PCDHA10: variants seen among roughly 807,000 people sequenced by gnomAD.
PCDHA10 encodes protocadherin alpha 10.
PCDHA10 carries 45 observed loss-of-function variants against 61.2 expected under a neutral mutation model. That is an observed-to-expected ratio of 0.74 (90% CI 0.58 to 0.94). PCDHA10 has a LOEUF of 0.94. Ranked by LOEUF, PCDHA10 falls within the 40% of genes least tolerant of loss-of-function variation. PCDHA10 has a pLI of 0.00. For missense variants in PCDHA10, 1,278 were observed against 1,236.2 expected (o/e 1.03, Z -0.51); for synonymous variants, 602 against 548.8 (o/e 1.10, Z -1.35).
intron 3 of PCDHA10, among the ~76,000 whole-genome samples, chr5:140,999,978 G>A (rs980753359): frequency 5.9e-5 from 9 of 151,942 alleles, no homozygotes; most frequent in South Asian, 2.1e-4. Flanking sequence ...CAGCTCTAGC[G>A]GCCTCTGGGT....
chr5:140,864,192 T>A (rs528891456), intron 1 of PCDHA10: 1 of 152,324 alleles, frequency 6.6e-6, no homozygotes, highest in Admixed American at 6.5e-5. Flanking sequence ...TAATGATCCT[T>A]ATGAGAAGGT....
intron 1 of PCDHA10, chr5:140,927,716 G>A (rs782756674): frequency 2.5e-6 from 4 of 1,614,072 alleles, no homozygotes; most frequent in Non-Finnish European, 3.4e-6. Context: ...CTAAGCAACA[G>A]CACGCAAGCA....
Position 140,857,265 on chromosome 5 carries a change from T to G in PCDHA10, c.1217T>G (p.Leu406Trp). The G allele has an allele frequency of 1.3e-6, 2 of 1,598,672 alleles. No homozygotes were observed. The highest frequency in any genetic ancestry group is 1.7e-6 in the Non-Finnish European group (2 of 1,168,004). The change falls in exon 1 of 4, where the codon TTG becomes TGG. Residue 406 changes from leucine to tryptophan, a missense_variant. Transcript: ENST00000307360. The stretch of plus-strand genomic sequence containing the variant: ...TCCACCTACAAGAATTACTACTCAT[T>G]GGTGCTGGACAGCGCTCTGGACCGC... ...LVSTYKNYYS[L>W]VLDSALDRER...
Position 140,891,839 on chromosome 5 carries a change from T to C in PCDHA10, c.2388+33403T>C, listed in dbSNP as rs10074902. Among the ~76,000 whole-genome samples, 663 of 152,284 alleles carry C rather than the reference T, an allele frequency of 4.4e-3. 7 individuals carry two copies. The highest frequency in any genetic ancestry group is 0.015 in the African/African-American group (618 of 41,564). On this transcript the variant is annotated intron_variant, in intron 1 of 3. Coordinates refer to ENST00000307360, the MANE Select transcript of PCDHA10 (RefSeq NM_018901.4). ...TTAACGGCACTGTAAAAGGACTTGA[T>C]GGAAGGAGCCTGTCCCTCTCTTATG...
chr5:140,950,855 T>C (rs2094525829), intron 1 of PCDHA10, among the ~76,000 whole-genome samples: 2 of 152,102 alleles, frequency 1.3e-5, no homozygotes, highest in African/African-American at 4.8e-5. Context: ...TTCTTTCATA[T>C]TCTTGTATAT....
chr5:140,930,084 A>T (rs1350674790), intron 1 of PCDHA10: 2 of 152,142 alleles, frequency 1.3e-5, no homozygotes, highest in Non-Finnish European at 2.9e-5. Flanking sequence ...CTCTCATAAC[A>T]TCTATTTATA....
intron 3 of PCDHA10, among the ~76,000 whole-genome samples, chr5:140,987,254 T>C (rs1358606591): frequency 1.3e-5 from 2 of 151,878 alleles, no homozygotes; most frequent in Non-Finnish European, 1.5e-5. Flanking sequence ...AAAGACATTC[T>C]CAGGAATGGG....
At chr5:141,001,473 G>A (rs1172395730) in intron 3 of PCDHA10, among the ~76,000 whole-genome samples, 1 of 152,220 alleles carries the variant, frequency 6.6e-6, no homozygotes, top group African/African-American at 2.4e-5. Flanking sequence ...AAGCAGCAGC[G>A]GGGAAGTGCT....
Position 140,856,604 on chromosome 5 carries a change from GA to G in PCDHA10, c.557del (p.Asp186AlafsTer22), listed in dbSNP as rs782310012. On this transcript the variant is annotated frameshift_variant, in exon 1 of 4. Transcript: ENST00000307360. LOFTEE classifies it high-confidence loss of function. ...TGTTCTTGATATTATAAACAAAAAA[GA>G]CAAAGACAAATTCCCAGTGCTTGTT... The part of the protein sequence containing the change: ...YFVLDIINKK[D>X]KDKFPVLVLR... 3.6e-5 allele frequency: 57 copies of G among 1,597,724 alleles called. 2 individuals are homozygous for G. In the African/African-American group the frequency reaches 6.7e-4, roughly 19 times the overall value.
At chr5:140,937,981 T>TA (rs1554211927) in intron 1 of PCDHA10, among the ~76,000 whole-genome samples, 2 of 152,254 alleles carry the variant, frequency 1.3e-5, no homozygotes, top group Non-Finnish European at 2.9e-5. Flanking sequence ...ATACTGATTT[T>TA]ATGTTAACTT....
At chr5:140,900,013 T>A (rs1351991303) in intron 1 of PCDHA10, among the ~76,000 whole-genome samples, 1 of 152,062 alleles carries the variant, frequency 6.6e-6, no homozygotes, top group Admixed American at 6.6e-5. Flanking sequence ...TCTCACTTTG[T>A]TACCCAGTTT....
At chr5:140,928,000 G>T (rs2084855141) in intron 1 of PCDHA10, 1 of 1,614,166 alleles carries the variant, frequency 6.2e-7, no homozygotes, top group Non-Finnish European at 8.5e-7. Context: ...TGAAGACCTC[G>T]ATTCTAATGG....
chr5:140,968,587 C>T (rs1554230892), intron 1 of PCDHA10: 8 of 1,614,196 alleles, frequency 5.0e-6, no homozygotes, highest in Non-Finnish European at 6.8e-6. Context: ...TCACCAAAGT[C>T]ATAGCTATGG....
At chr5:140,900,559 G>T (rs542075943) in intron 1 of PCDHA10, among the ~76,000 whole-genome samples, 1 of 152,196 alleles carries the variant, frequency 6.6e-6, no homozygotes, top group Admixed American at 6.5e-5. Context: ...TTACAGGCGT[G>T]AGCCACGGCA....
At chr5:140,942,539 TG>T (rs1370746759) in intron 1 of PCDHA10, among the ~76,000 whole-genome samples, 2 of 151,338 alleles carry the variant, frequency 1.3e-5, no homozygotes, top group Admixed American at 6.6e-5. Flanking sequence ...CTCAGTATGG[TG>T]GGGGGTAGGG....
rs2098421094 is a variant in PCDHA10 at position 141,011,574 on chromosome 5, TAAATC to T, written c.*1640_*1644del. ...GAAAGACACAGTAAAATTTCTTTCT[TAAATC>T]AAGATACTGGTGATTCAAGGAATTT... On this transcript the variant is annotated 3_prime_UTR_variant, in exon 4 of 4. Transcript: ENST00000307360. 1.3e-5 allele frequency: 2 copies of T among 153,802 alleles called. No individual in the cohort carries two copies. 9.5% of individuals were successfully genotyped at this position (153,802 alleles called of 1,614,324 possible).
intron 1 of PCDHA10, 40 bp from the exon 2 acceptor site, chr5:140,978,909 C>T: frequency 6.2e-7 from 1 of 1,613,660 alleles, no homozygotes; most frequent in South Asian, 1.1e-5. Context: ...AGAACATTGT[C>T]TTGTCATTTT....
chr5:140,932,493 T>C (rs148938081), intron 1 of PCDHA10, among the ~76,000 whole-genome samples: 1 of 151,888 alleles, frequency 6.6e-6, no homozygotes, highest in Non-Finnish European at 1.5e-5. Flanking sequence ...CTTTGCAATG[T>C]CATTTGTTAA....
intron 1 of PCDHA10, among the ~76,000 whole-genome samples, chr5:140,906,473 A>G (rs2072671241): frequency 6.6e-6 from 1 of 152,214 alleles, no homozygotes. Flanking sequence ...TCTTAGTACA[A>G]ATGTATAAAT....
Sources: gnomAD v4.1 joint callset for allele counts (sites outside exome capture counted in the v4.1 genomes callset) on GRCh38, gnomAD v4.1.1 for gene constraint, MANE v1.5 for transcripts, NCBI Gene and HGNC (gene_info 2026-07-23, HGNC 2026-07-21) for gene names.